LMNTD1: variants seen among roughly 807,000 people sequenced by gnomAD.
LMNTD1 encodes the protein lamin tail domain containing 1, also known as lamin tail domain-containing protein 1.
A neutral mutation model predicts 50.9 loss-of-function variants in LMNTD1; 35 were observed. That is an observed-to-expected ratio of 0.69 (90% CI 0.53 to 0.91). LMNTD1 has a LOEUF of 0.91. LMNTD1 is among the 40% of genes least tolerant of loss of function. The pLI is 0.00. For synonymous variants in LMNTD1, 153 were observed against 161.9 expected, an observed-to-expected ratio of 0.94 and a Z score of 0.42; for missense variants, 470 against 475.5, an observed-to-expected ratio of 0.99 and a Z score of 0.11.
intron 1 of LMNTD1, among the ~76,000 whole-genome samples, chr12:25,565,253 G>A (rs372714121): frequency 2.8e-4 from 43 of 151,554 alleles, no homozygotes; most frequent in Middle Eastern, 3.4e-3. Flanking sequence ...TCTTCTCTTT[G>A]TTCTTTCTTT....
At chr12:25,589,132 C>G (rs1945623992) in intron 1 of LMNTD1, among the ~76,000 whole-genome samples, 1 of 152,092 alleles carries the variant, frequency 6.6e-6, no homozygotes, top group African/African-American at 2.4e-5. Flanking sequence ...CAATGACGTT[C>G]ATAGCAACAT....
Position 25,520,035 on chromosome 12 carries a change from C to T in LMNTD1, c.839G>A (p.Trp280Ter), listed in dbSNP as rs1941171582. 6.2e-7 allele frequency: 1 copy of T among 1,613,064 alleles called. No homozygotes were observed. The highest frequency in any genetic ancestry group is 8.5e-7 in the Non-Finnish European group (1 of 1,179,698). ...WYTPIHWKQA[W>*]EKLDADVEFN... ...TTCAACGTCAGCATCTAATTTTTCC[C>T]ACGCTTGCTTCCAGTGGATAGGGGT... The change falls in exon 7 of 10, where the codon TGG becomes TAG. Residue 280 changes from tryptophan to a stop codon, truncating the protein, a stop_gained. Transcript: ENST00000458174. LOFTEE classifies it high-confidence loss of function.
chr12:25,605,176 C>T (rs1390825741), intron 1 of LMNTD1, among the ~76,000 whole-genome samples: 1 of 152,068 alleles, frequency 6.6e-6, no homozygotes, highest in Non-Finnish European at 1.5e-5. Context: ...ATATCCTTCA[C>T]CCACTTTTTG....
chr12:25,593,215 G>T (rs1945753084), intron 1 of LMNTD1, among the ~76,000 whole-genome samples: 1 of 152,190 alleles, frequency 6.6e-6, no homozygotes, highest in African/African-American at 2.4e-5. Flanking sequence ...CATAGCTAAT[G>T]CTCTACTGAA....
intron 9 of LMNTD1, among the ~76,000 whole-genome samples, chr12:25,494,265 T>G (rs1025974109): frequency 9.9e-5 from 15 of 152,216 alleles, no homozygotes; most frequent in Admixed American, 7.9e-4. Flanking sequence ...AGGTAAAATT[T>G]GGTCACTTCG....
chr12:25,589,799 T>C (rs1332709157), intron 1 of LMNTD1, among the ~76,000 whole-genome samples: 2 of 152,148 alleles, frequency 1.3e-5, no homozygotes, highest in African/African-American at 4.8e-5. Flanking sequence ...AGAGTGTAGA[T>C]GGTAAAACTT....
At chr12:25,603,797 T>G (rs1360859426) in intron 1 of LMNTD1, among the ~76,000 whole-genome samples, 5 of 152,018 alleles carry the variant, frequency 3.3e-5, no homozygotes, top group Admixed American at 2.6e-4. Flanking sequence ...TGTCTATTTG[T>G]GGTGGTATCT....
At chr12:25,543,125 A>C (rs1197350795) in intron 4 of LMNTD1, among the ~76,000 whole-genome samples, 3 of 152,064 alleles carry the variant, frequency 2.0e-5, no homozygotes, top group African/African-American at 7.2e-5. Context: ...AACAATTTAT[A>C]GTTTTAAAAC....
At chr12:25,589,000 G>A (rs1466151057) in intron 1 of LMNTD1, among the ~76,000 whole-genome samples, 1 of 152,140 alleles carries the variant, frequency 6.6e-6, no homozygotes, top group Non-Finnish European at 1.5e-5. Flanking sequence ...CTTAGTAAGG[G>A]TATAGAGGAA....
At chr12:25,570,726 C>T (rs1412875295) in intron 1 of LMNTD1, among the ~76,000 whole-genome samples, 1 of 152,140 alleles carries the variant, frequency 6.6e-6, no homozygotes, top group Non-Finnish European at 1.5e-5. Context: ...GTGTTTGTTC[C>T]TAGTGGATCA....
chr12:25,519,836 A>T (rs1301213222), intron 7 of LMNTD1, 22 bp downstream of exon 7: 3 of 1,561,356 alleles, frequency 1.9e-6, no homozygotes, highest in Non-Finnish European at 2.6e-6. Context: ...CCATTAAAAC[A>T]AACAAACCAA....
intron 1 of LMNTD1, among the ~76,000 whole-genome samples, chr12:25,621,003 A>C (rs1008571773): frequency 6.6e-6 from 1 of 152,188 alleles, no homozygotes; most frequent in East Asian, 1.9e-4. Context: ...AAGAGATTCA[A>C]ACCCAGGTGA....
chr12:25,621,761 CAAG>C (rs905158685), intron 1 of LMNTD1, among the ~76,000 whole-genome samples: 49 of 152,228 alleles, frequency 3.2e-4, no homozygotes, highest in African/African-American at 1.0e-3. Context: ...TCTCTTCTGT[CAAG>C]AAGATTACAC....
intron 1 of LMNTD1, among the ~76,000 whole-genome samples, chr12:25,621,540 C>T (rs1946472785): frequency 6.6e-6 from 1 of 152,190 alleles, no homozygotes; most frequent in African/African-American, 2.4e-5. Context: ...ACCATTCATG[C>T]TGTGCCTTAG....
At chr12:25,565,654 T>C (rs1944527595) in intron 1 of LMNTD1, among the ~76,000 whole-genome samples, 1 of 152,200 alleles carries the variant, frequency 6.6e-6, no homozygotes, top group Non-Finnish European at 1.5e-5. Flanking sequence ...ATGTTCTGTG[T>C]TTTTCTGTAT....
intron 1 of LMNTD1, among the ~76,000 whole-genome samples, chr12:25,577,928 T>A (rs1014941370): frequency 1.3e-5 from 2 of 152,134 alleles, no homozygotes; most frequent in African/African-American, 4.8e-5. Context: ...ATGGGGTTGG[T>A]AGCAGGTGGT....
At chr12:25,566,264 A>G (rs1260642881) in intron 1 of LMNTD1, among the ~76,000 whole-genome samples, 1 of 152,038 alleles carries the variant, frequency 6.6e-6, no homozygotes, top group Non-Finnish European at 1.5e-5. Flanking sequence ...TAGTTCCTAT[A>G]AGTGTGCTTC....
chr12:25,562,026 G>T (rs1284633103), intron 1 of LMNTD1, among the ~76,000 whole-genome samples: 1 of 152,258 alleles, frequency 6.6e-6, no homozygotes, highest in East Asian at 1.9e-4. Context: ...GAGCCTATGT[G>T]TGTCTCTGCA....
intron 9 of LMNTD1, among the ~76,000 whole-genome samples, chr12:25,476,781 A>G (rs564952315): frequency 5.3e-5 from 8 of 152,336 alleles, no homozygotes; most frequent in Non-Finnish European, 8.8e-5. Flanking sequence ...AAAGTCATCT[A>G]TGAGCACACT....
Sources: allele counts gnomAD v4.1 joint callset (sites outside exome capture counted in the v4.1 genomes callset), GRCh38; gene constraint gnomAD v4.1.1; transcripts MANE v1.5; gene names NCBI Gene and HGNC (gene_info 2026-07-23, HGNC 2026-07-21).